Variants in GPR149 observed in about 807,000 individuals in gnomAD.
The protein encoded by GPR149 is probable G protein-coupled receptor 149.
A neutral mutation model predicts 50.2 loss-of-function variants in GPR149; 50 were observed. That is an observed-to-expected ratio of 1.00 (90% CI 0.79 to 1.26). The LOEUF is 1.26. Ranked by LOEUF, GPR149 falls within the 50% of genes most tolerant of loss-of-function variation. The probability of loss-of-function intolerance (pLI) is 0.00; values close to 1 mark genes in which losing one functional copy is unlikely to be tolerated. For missense variants in GPR149, 983 were observed against 895.4 expected, an observed-to-expected ratio of 1.10 and a Z score of -1.25; for synonymous variants, 405 against 358.2, an observed-to-expected ratio of 1.13 and a Z score of -1.48.
rs1423400672 is a variant in GPR149, at chr3:154,421,461, G to A, written c.1201C>T (p.Leu401=). ...KIKRKGFEFN[L]SFQKSYGIYK... Reference sequence around the variant, plus strand: ...ATCCCATAACTTTTTTGGAATGATAGATTGAATTCAAAGCCTTTTCTCTTG... The same window carrying A: ...ATCCCATAACTTTTTTGGAATGATAAATTGAATTCAAAGCCTTTTCTCTTG... Residue 401 remains leucine, a synonymous_variant, in exon 3 of 4, where the codon CTA becomes TTA. Transcript: ENST00000389740. The A allele has an allele frequency of 1.3e-6, 2 of 1,585,288 alleles. No homozygotes were observed. Among genetic ancestry groups the A allele is most frequent in the Admixed American group, 1.8e-5 (1 of 55,794 alleles).
At chr3:154,423,120 A>G (rs771363557) in intron 2 of GPR149, among the ~76,000 whole-genome samples, 7 of 151,792 alleles carry the variant, frequency 4.6e-5, no homozygotes, top group Non-Finnish European at 7.4e-5. Context: ...AGGAGACTTC[A>G]CCTCCATGTC....
chr3:154,364,106 A>G (rs558868944), intron 3 of GPR149, among the ~76,000 whole-genome samples: 1 of 152,164 alleles, frequency 6.6e-6, no homozygotes, highest in Admixed American at 6.5e-5. Flanking sequence ...CCTACTAACC[A>G]AGGTATGGGA....
At chr3:154,403,460 T>C (rs1029159401) in intron 3 of GPR149, among the ~76,000 whole-genome samples, 1 of 152,236 alleles carries the variant, frequency 6.6e-6, no homozygotes, top group African/African-American at 2.4e-5. Flanking sequence ...TCATTCATGT[T>C]TTGTTAGCTT....
intron 3 of GPR149, among the ~76,000 whole-genome samples, chr3:154,351,941 T>A (rs1714090885): frequency 6.6e-6 from 1 of 152,182 alleles, no homozygotes; most frequent in Admixed American, 6.5e-5. Flanking sequence ...GGAGGTTTTT[T>A]AATTCAAAGG....
chr3:154,343,587 A>G (rs1040149862), intron 3 of GPR149, among the ~76,000 whole-genome samples: 1 of 152,132 alleles, frequency 6.6e-6, no homozygotes, highest in African/African-American at 2.4e-5. Flanking sequence ...GGTAGAGGGC[A>G]CTATTTCAAA....
At chr3:154,363,099 T>C (rs1220949264) in intron 3 of GPR149, among the ~76,000 whole-genome samples, 1 of 152,142 alleles carries the variant, frequency 6.6e-6, no homozygotes, top group Non-Finnish European at 1.5e-5. Context: ...AAGCAAATAG[T>C]TCAAGGGGAG....
intron 1 of GPR149, among the ~76,000 whole-genome samples, chr3:154,428,085 C>T (rs527555849): frequency 7.2e-5 from 11 of 152,278 alleles, no homozygotes; most frequent in Non-Finnish European, 1.0e-4. Flanking sequence ...CATGCGCGCT[C>T]GTCACAGTGG....
intron 3 of GPR149, among the ~76,000 whole-genome samples, chr3:154,338,682 C>T (rs1359720816): frequency 1.3e-5 from 2 of 152,140 alleles, no homozygotes; most frequent in African/African-American, 4.8e-5. Context: ...GAAATGTAGA[C>T]TGTGTTATCA....
intron 3 of GPR149, among the ~76,000 whole-genome samples, chr3:154,359,217 A>G (rs1396836377): frequency 6.6e-6 from 1 of 152,202 alleles, no homozygotes; most frequent in African/African-American, 2.4e-5. Context: ...CCTTAAAAAC[A>G]TAACATATGG....
intron 3 of GPR149, among the ~76,000 whole-genome samples, chr3:154,349,789 T>G (rs1168492945): frequency 6.6e-6 from 1 of 152,086 alleles, no homozygotes; most frequent in South Asian, 2.1e-4. Flanking sequence ...TACAAAAAAA[T>G]AAAACTATAG....
In GPR149 at chr3:154,338,179, G is replaced by A; in HGVS notation, c.1716C>T (p.Thr572=). Residue 572 remains threonine, a synonymous_variant, in exon 4 of 4, where the codon ACC becomes ACT. Transcript: ENST00000389740. The part of the protein sequence containing the change: ...APTGKTLSLS[T]YEVSAEGQKI... ...TTTGCCCTTCTGCGCTTACCTCATA[G>A]GTAGAAAGAGATAGGGTTTTCCCTG... 1.2e-6 allele frequency: 2 copies of A among 1,614,096 alleles called. 1 individual carries two copies. Among genetic ancestry groups the A allele is most frequent in the South Asian group, 2.2e-5 (2 of 91,082 alleles).
rs1713672034 is a variant in GPR149 at position 154,337,109 on chromosome 3, G to A, written c.*590C>T. The A allele has an allele frequency of 6.6e-6, 1 of 152,118 alleles. No homozygotes were observed. The highest frequency in any genetic ancestry group is 2.1e-4 in the South Asian group (1 of 4,836). 9.4% of individuals were successfully genotyped at this position (152,118 alleles called of 1,614,324 possible). On this transcript the variant is annotated 3_prime_UTR_variant, in exon 4 of 4. Coordinates refer to ENST00000389740, the MANE Select transcript of GPR149 (RefSeq NM_001038705.3). ...AAAAACAGTAAACAATTTATATTTG[G>A]TAGAAATGAAGGAAACAACTATTTA... is the stretch of plus-strand genomic sequence containing the variant.
chr3:154,335,956 T>C lies in GPR149; in HGVS notation c.*1743A>G, dbSNP rs781129173. The C allele has an allele frequency of 6.6e-6, 1 of 152,130 alleles. No individual in the cohort carries two copies. The highest frequency in any genetic ancestry group is 1.5e-5 in the Non-Finnish European group (1 of 67,958). 9.4% of individuals were successfully genotyped at this position (152,130 alleles called of 1,614,324 possible). ...ACAAAGCATTATGAGAATATTCAAT[T>C]CAATTTTTCTTTTATAAAGACATTT... On this transcript the variant is annotated 3_prime_UTR_variant, in exon 4 of 4. Transcript: ENST00000389740.
At chr3:154,360,157 A>T (rs986855922) in intron 3 of GPR149, among the ~76,000 whole-genome samples, 3 of 152,344 alleles carry the variant, frequency 2.0e-5, no homozygotes, top group Non-Finnish European at 4.4e-5. Flanking sequence ...GATGGTTTAA[A>T]GTAATGATTC....
At chr3:154,349,320 A>AT (rs1009183669) in intron 3 of GPR149, among the ~76,000 whole-genome samples, 1 of 152,162 alleles carries the variant, frequency 6.6e-6, no homozygotes, top group Non-Finnish European at 1.5e-5. Flanking sequence ...ACAAAAAGTT[A>AT]TTTTTTTAAC....
At chr3:154,374,697 A>G (rs993225478) in intron 3 of GPR149, among the ~76,000 whole-genome samples, 15 of 152,200 alleles carry the variant, frequency 9.9e-5, no homozygotes, top group African/African-American at 3.6e-4. Context: ...GCATATATAT[A>G]TATTAGAAGA....
intron 3 of GPR149, among the ~76,000 whole-genome samples, chr3:154,385,702 T>C (rs1468196019): frequency 2.3e-5 from 2 of 88,060 alleles, no homozygotes; most frequent in African/African-American, 8.6e-5. Flanking sequence ...CTTTCTTTCT[T>C]TCTTTTTTTT....
At chr3:154,370,784 G>A (rs1042697742) in intron 3 of GPR149, among the ~76,000 whole-genome samples, 5 of 152,116 alleles carry the variant, frequency 3.3e-5, no homozygotes, top group South Asian at 2.1e-4. Flanking sequence ...ATTACTATCC[G>A]AGGAATCTTA....
At chr3:154,372,294 G>A (rs763931885) in intron 3 of GPR149, among the ~76,000 whole-genome samples, 2 of 152,034 alleles carry the variant, frequency 1.3e-5, no homozygotes, top group African/African-American at 2.4e-5. Flanking sequence ...GAATTTGTGT[G>A]TGTGTTTTCT....
Sources: allele counts gnomAD v4.1 joint callset (sites outside exome capture counted in the v4.1 genomes callset), GRCh38; gene constraint gnomAD v4.1.1; transcripts MANE v1.5; gene names NCBI Gene and HGNC (gene_info 2026-07-23, HGNC 2026-07-21).